Variants in HIP1R observed in about 807,000 individuals in gnomAD.
HIP1R encodes huntingtin-interacting protein 1-related protein.
In HIP1R, 135 loss-of-function variants were observed where a neutral mutation model predicts 144.2. The ratio of observed to expected loss-of-function variants is 0.94; its 90% CI spans 0.81 to 1.08. HIP1R has a LOEUF of 1.08. Among genes scored for constraint, HIP1R ranks in the 50% least tolerant of loss-of-function variants. The pLI is 0.00. For missense variants in HIP1R, 1,462 were observed against 1,432.8 expected, an observed-to-expected ratio of 1.02 and a Z score of -0.33; for synonymous variants, 698 against 612.8, an observed-to-expected ratio of 1.14 and a Z score of -2.05.
In HIP1R at chr12:122,860,183, G is replaced by A; in HGVS notation, c.2532G>A (p.Leu844=). ...IRLLVTTSTS[L]QKEIVESGRG... Reference sequence around the variant, plus strand: ...TCCTGGTGACGACATCCACTAGCCTGCAGAAGGAGATCGTGGAGAGCGGCA... The same window carrying A: ...TCCTGGTGACGACATCCACTAGCCTACAGAAGGAGATCGTGGAGAGCGGCA... Residue 844 remains leucine (L), a synonymous_variant, in exon 26 of 32, where the codon CTG becomes CTA. Coordinates refer to ENST00000253083, the MANE Select transcript of HIP1R (RefSeq NM_003959.3). 6.4e-7 allele frequency: 1 copy of A among 1,570,348 alleles called. No homozygotes were observed. Among genetic ancestry groups the A allele is most frequent in the East Asian group, 2.3e-5 (1 of 42,962 alleles).
Position 122,835,545 on chromosome 12 carries a change from GGCA to G in HIP1R, c.-4_-2del. 7.5e-7 allele frequency: 1 copy of G among 1,339,056 alleles called. No homozygotes were observed. Among genetic ancestry groups the G allele is most frequent in the Non-Finnish European group, 9.6e-7 (1 of 1,037,744 alleles). 82.9% of individuals were successfully genotyped at this position (1,339,056 alleles called of 1,614,324 possible). The stretch of plus-strand genomic sequence containing the variant: ...GAGCCGGACAAAAGCGGGCGGCGGC[GGCA>G]GGATGAACAGCATCAAGAACGTGCC... On this transcript the variant is annotated 5_prime_UTR_variant, in exon 1 of 32. Coordinates refer to ENST00000253083, the MANE Select transcript of HIP1R (RefSeq NM_003959.3).
rs576015155 is a variant in HIP1R at position 122,849,039 on chromosome 12, C to T, written c.357+187C>T. Among the ~76,000 whole-genome samples, 8 of 152,344 alleles carry T rather than the reference C, an allele frequency of 5.3e-5. No homozygotes were observed. In the East Asian group the frequency reaches 5.8e-4, roughly 11 times the overall value. ...AGGGCCTGGCCCAGGGCGCTCCACA[C>T]GCATAACCAGTGGGCCCTCCAGCGT... On this transcript the variant is annotated intron_variant, in intron 4 of 31. Coordinates refer to ENST00000253083, the MANE Select transcript of HIP1R (RefSeq NM_003959.3).
chr12:122,835,512 C>G lies in HIP1R; in HGVS notation c.-39C>G. 1 of 1,296,114 alleles carries G rather than the reference C, an allele frequency of 7.7e-7. No homozygotes were observed. Among genetic ancestry groups the G allele is most frequent in the South Asian group, 1.9e-5 (1 of 51,428 alleles). The allele number at this position is 1,296,114 out of a possible 1,614,324, so 80.3% of individuals were successfully genotyped here. A position where few individuals can be genotyped will look rare whatever the true frequency, so the allele number is the denominator to read the frequency against. ...TGCCGGACCGTGAGGCTGTGAGTCG[C>G]GCGGACGGAGCCGGACAAAAGCGGG... On this transcript the variant is annotated 5_prime_UTR_variant, in exon 1 of 32. Transcript: ENST00000253083.
chr12:122,835,861 C>T (rs1225702187), intron 1 of HIP1R, among the ~76,000 whole-genome samples: 1 of 150,078 alleles, frequency 6.7e-6, no homozygotes, highest in African/African-American at 2.4e-5. Flanking sequence ...CGCAGGTGAA[C>T]CGGAAGCCGC....
chr12:122,848,530 G>A lies in HIP1R; in HGVS notation c.222G>A (p.Leu74=). The change falls in exon 3 of 32, where the codon CTG becomes CTA. Residue 74 remains leucine (L), a synonymous_variant. Coordinates refer to ENST00000253083, the MANE Select transcript of HIP1R (RefSeq NM_003959.3). ...AFTFWSYAIG[L]PLPSSSILSW... is the part of the protein sequence containing the mutation. ...CCTTCTGGTCCTACGCCATTGGGCT[G>A]CCGCTGCCCAGCAGCTCCATTCTCA... 2 of 1,613,350 alleles carry A rather than the reference G, an allele frequency of 1.2e-6. No homozygotes were observed. The highest frequency in any genetic ancestry group is 1.7e-6 in the Non-Finnish European group (2 of 1,179,980).
chr12:122,837,157 G>A (rs2032923034), intron 1 of HIP1R, among the ~76,000 whole-genome samples: 1 of 152,124 alleles, frequency 6.6e-6, no homozygotes. Context: ...GTATAAAGAG[G>A]TCTGATTGCT....
At chr12:122,856,811 C>A in intron 17 of HIP1R, 85 bp downstream of exon 17, 1 of 1,230,392 alleles carries the variant, frequency 8.1e-7, no homozygotes. Context: ...GAACAGGCCC[C>A]ACCTGGGTGC....
At chr12:122,849,686 G>A (rs1438893935) in intron 4 of HIP1R, among the ~76,000 whole-genome samples, 189 bp from the exon 5 acceptor site, 1 of 152,268 alleles carries the variant, frequency 6.6e-6, no homozygotes, top group Non-Finnish European at 1.5e-5. Flanking sequence ...GAGTTTCTTT[G>A]GCAGGAATGA....
chr12:122,835,161 C>T (rs539684752), upstream of HIP1R, among the ~76,000 whole-genome samples: 113 of 129,448 alleles, frequency 8.7e-4, no homozygotes, highest in African/African-American at 3.2e-3. Context: ...GGGCGTTTGG[C>T]CTGTGCCCCA....
In HIP1R at chr12:122,856,726, G is replaced by C; in HGVS notation, c.1620G>C (p.Gln540His). ...AGGAGGCCCTGAGCCACACAGAGCAGGTGCATCTGGCTTTGATGACTGGAG... is the reference window on the plus strand; with the variant it reads ...AGGAGGCCCTGAGCCACACAGAGCACGTGCATCTGGCTTTGATGACTGGAG... ...RAQEALSHTE[Q>H]SKSELSSRLD... Residue 540 changes from glutamine (Q) to histidine (H), a missense_variant and splice_region_variant, in exon 17 of 32, where the codon CAG (glutamine) becomes CAC (histidine). This residue lies in a region of HIP1R where 1,112 missense variants were observed against 1,011.7 expected (regional missense o/e 1.10). Transcript: ENST00000253083. 6.4e-7 allele frequency: 1 copy of C among 1,568,864 alleles called. No individual in the cohort carries two copies. Among genetic ancestry groups the C allele is most frequent in the South Asian group, 1.2e-5 (1 of 85,722 alleles).
At position 122,860,733 on chromosome 12, in the gene HIP1R, C is replaced by T. The variant is rs1343869104; in HGVS notation, c.2715C>T (p.Val905=). Reference sequence around the variant, plus strand: ...CGGGCAAGTATGAGGAGCTCATCGTCTGCTCCCACGAGATCGCAGCCAGCA... The same window carrying T: ...CGGGCAAGTATGAGGAGCTCATCGTTTGCTCCCACGAGATCGCAGCCAGCA... ...LHTGKYEELI[V]CSHEIAASTA... Residue 905 remains valine, a synonymous_variant, in exon 28 of 32, where the codon GTC becomes GTT. Transcript: ENST00000253083. The T allele has an allele frequency of 6.2e-7, 1 of 1,613,292 alleles. No homozygotes were observed. Among genetic ancestry groups the T allele is most frequent in the South Asian group, 1.1e-5 (1 of 91,078 alleles).
intron 1 of HIP1R, among the ~76,000 whole-genome samples, chr12:122,846,594 G>A (rs2033218062): frequency 6.6e-6 from 1 of 152,210 alleles, no homozygotes; most frequent in African/African-American, 2.4e-5. Context: ...GCCCACCAGA[G>A]CCTCTGTGCA....
At chr12:122,835,397 C>A (rs1452440004), upstream of HIP1R, 6 of 1,091,134 alleles carry the variant, frequency 5.5e-6, no homozygotes, top group Non-Finnish European at 6.7e-6. Flanking sequence ...GAGGGGCGTG[C>A]CCTGGAGTTG....
Position 122,860,671 on chromosome 12 carries a change from A to C in HIP1R, c.2661-8A>C, listed in dbSNP as rs776958653. On this transcript the variant is annotated splice_region_variant and splice_polypyrimidine_tract_variant and intron_variant, in intron 27 of 31. Transcript: ENST00000253083. ...AGACCCTGGCCCTGACTGGCCCTTG[A>C]CCCGCAGGGAGGCAGCTGACAAGGT... The C allele has an allele frequency of 4.7e-5, 75 of 1,611,822 alleles. No homozygotes were observed. The highest frequency in any genetic ancestry group is 6.0e-5 in the Non-Finnish European group (71 of 1,178,836).
rs2033602728 is a variant in HIP1R at position 122,856,995 on chromosome 12, T to G, written c.1621-26T>G. ...GTGGGGCCTGGGAGCTCTGTTCACA[T>G]GCCTGGTGTCCATGTCTGTCCACAG... On this transcript the variant is annotated intron_variant, in intron 17 of 31. Transcript: ENST00000253083. 3.9e-6 allele frequency: 6 copies of G among 1,546,510 alleles called. No homozygotes were observed. The African/African-American group carries it at 4.1e-5, about 11-fold the overall frequency.
At position 122,859,500 on chromosome 12, in the gene HIP1R, A is replaced by G; in HGVS notation, c.2370A>G (p.Thr790=). 1.9e-6 allele frequency: 3 copies of G among 1,613,352 alleles called. No homozygotes were observed. The highest frequency in any genetic ancestry group is 1.7e-6 in the Non-Finnish European group (2 of 1,179,860). The stretch of plus-strand genomic sequence containing the variant: ...TGGTCGACAAGGAGATGGCGGCCAC[A>G]TCCGCAGCCATTGAAGATGCTGTGC... ...GAVVDKEMAA[T]SAAIEDAVRR... The change falls in exon 23 of 32, where the codon ACA becomes ACG. Residue 790 remains threonine (T), a synonymous_variant. Transcript: ENST00000253083.
Position 122,854,887 on chromosome 12 carries a change from A to G in HIP1R, c.719-18A>G, listed in dbSNP as rs779300695. 1.7e-5 allele frequency: 28 copies of G among 1,611,660 alleles called. No individual in the cohort carries two copies. The highest frequency in any genetic ancestry group is 2.4e-5 in the Non-Finnish European group (28 of 1,179,288). Reference sequence around the variant, plus strand: ...GCAGTGTGCAGAGAAGTCCTGTTACACTTGTGCCACCCTCCAGGTCTCCCT... The same window carrying G: ...GCAGTGTGCAGAGAAGTCCTGTTACGCTTGTGCCACCCTCCAGGTCTCCCT... On this transcript the variant is annotated intron_variant, in intron 8 of 31. Coordinates refer to ENST00000253083, the MANE Select transcript of HIP1R (RefSeq NM_003959.3).
chr12:122,843,218 C>T (rs565916597), intron 1 of HIP1R, among the ~76,000 whole-genome samples: 2 of 152,342 alleles, frequency 1.3e-5, no homozygotes, highest in East Asian at 3.9e-4. Flanking sequence ...CTGTGAAGGC[C>T]ATGCAGCCCA....
At position 122,835,485 on chromosome 12, in the gene HIP1R, G is replaced by A; in HGVS notation, c.-66G>A. 1.6e-6 allele frequency: 2 copies of A among 1,216,608 alleles called. No homozygotes were observed. Among genetic ancestry groups the A allele is most frequent in the Non-Finnish European group, 2.1e-6 (2 of 973,300 alleles). 75.4% of individuals were successfully genotyped at this position (1,216,608 alleles called of 1,614,324 possible). ...GTGGCCTCGCGGTGCCTAGGCTGGGGCTGCCGGACCGTGAGGCTGTGAGTC... is the reference window on the plus strand; with the variant it reads ...GTGGCCTCGCGGTGCCTAGGCTGGGACTGCCGGACCGTGAGGCTGTGAGTC... On this transcript the variant is annotated 5_prime_UTR_variant, in exon 1 of 32. Coordinates refer to ENST00000253083, the MANE Select transcript of HIP1R (RefSeq NM_003959.3).
Sources: allele counts gnomAD v4.1 joint callset (sites outside exome capture counted in the v4.1 genomes callset), GRCh38; gene constraint gnomAD v4.1.1; regional missense constraint gnomAD v4.1.1; transcripts MANE v1.5; gene names NCBI Gene and HGNC (gene_info 2026-07-23, HGNC 2026-07-21).